Variants in THSD7A observed in about 807,000 individuals in gnomAD.
THSD7A encodes thrombospondin type 1 domain containing 7A, also known as thrombospondin type-1 domain-containing protein 7A.
A neutral mutation model predicts 231.3 loss-of-function variants in THSD7A; 96 were observed. That is an observed-to-expected ratio of 0.41 (90% CI 0.35 to 0.49). The LOEUF (loss-of-function observed/expected upper bound fraction) is 0.49. THSD7A is among the 20% of genes least tolerant of loss of function. The probability of loss-of-function intolerance (pLI) is 0.05; values close to 1 mark genes in which losing one functional copy is unlikely to be tolerated. For missense variants in THSD7A, 2,290 were observed against 2,070.2 expected (o/e 1.11, Z -2.06); for synonymous variants, 940 against 743.3 (o/e 1.26, Z -4.30).
chr7:11,619,627 G>T (rs1030539550), intron 2 of THSD7A, among the ~76,000 whole-genome samples: 1 of 151,694 alleles, frequency 6.6e-6, no homozygotes. Flanking sequence ...TCAGTATCTT[G>T]TCCAGGCTCG....
At chr7:11,682,369 T>C (rs1783901739) in intron 1 of THSD7A, among the ~76,000 whole-genome samples, 1 of 152,054 alleles carries the variant, frequency 6.6e-6, no homozygotes, top group Admixed American at 6.6e-5. Context: ...ATCTCAAATG[T>C]AATGATGCCC....
At position 11,412,263 on chromosome 7, in the gene THSD7A, C is replaced by T. The variant is rs114685891; in HGVS notation, c.3682+393G>A. On this transcript the variant is annotated intron_variant, in intron 18 of 27. Transcript: ENST00000423059. ...ACTAATCATGTTTATAAACTGCCCA[C>T]ACCTCATGAATTGTTGCCCCAGTAT... Among the ~76,000 whole-genome samples, 541 of 152,262 alleles carry T rather than the reference C, an allele frequency of 3.6e-3. 4 individuals are homozygous for T. Among genetic ancestry groups the T allele is most frequent in the African/African-American group, 0.013 (520 of 41,544 alleles).
rs570745108 is a variant in THSD7A at position 11,585,712 on chromosome 7, G to A, written c.1453+4748C>T. ...CCAGAGCCTATTCCGTCAGTTTAGG[G>A]AGCAAGGTGGGAACTGTGGCTGGAC... On this transcript the variant is annotated intron_variant, in intron 4 of 27. Transcript: ENST00000423059. Among the ~76,000 whole-genome samples the A allele has an allele frequency of 2.6e-5, 4 of 152,156 alleles. No homozygotes were observed. The East Asian group carries it at 7.8e-4, about 30-fold the overall frequency.
intron 6 of THSD7A, among the ~76,000 whole-genome samples, chr7:11,530,860 A>C (rs1330159246): frequency 1.3e-5 from 2 of 152,064 alleles, no homozygotes; most frequent in Non-Finnish European, 2.9e-5. Context: ...AAAATACAAA[A>C]ATTAGCCATG....
chr7:11,696,765 C>T (rs1016748499), intron 1 of THSD7A, among the ~76,000 whole-genome samples: 5 of 151,334 alleles, frequency 3.3e-5, no homozygotes, highest in African/African-American at 1.2e-4. Context: ...CCAGGGTGTT[C>T]CTGTATCTTA....
At chr7:11,724,357 A>G (rs111524424) in intron 1 of THSD7A, among the ~76,000 whole-genome samples, 3,732 of 151,988 alleles carry the variant, frequency 0.025, 142 homozygotes, top group African/African-American at 0.083. Flanking sequence ...TGTTGCATCA[A>G]TGTTAGACAT....
intron 23 of THSD7A, among the ~76,000 whole-genome samples, chr7:11,397,276 C>T (rs1436765855): frequency 6.6e-6 from 1 of 152,148 alleles, no homozygotes; most frequent in African/African-American, 2.4e-5. Flanking sequence ...CTACAACCAT[C>T]TGATCTTTGA....
chr7:11,671,112 G>A (rs1783373248), intron 1 of THSD7A, among the ~76,000 whole-genome samples: 1 of 152,168 alleles, frequency 6.6e-6, no homozygotes, highest in Non-Finnish European at 1.5e-5. Flanking sequence ...AAGGCTACAA[G>A]AGAACATTAA....
chr7:11,774,796 T>A (rs1223290965), intron 1 of THSD7A, among the ~76,000 whole-genome samples: 1 of 152,210 alleles, frequency 6.6e-6, no homozygotes, highest in African/African-American at 2.4e-5. Context: ...GGCTCACACC[T>A]GTAATCCCGG....
At chr7:11,513,105 C>G (rs974857328) in intron 6 of THSD7A, among the ~76,000 whole-genome samples, 2 of 151,310 alleles carry the variant, frequency 1.3e-5, no homozygotes, top group Non-Finnish European at 1.5e-5. Flanking sequence ...GGGAGCTGAG[C>G]TATGAGGATG....
intron 1 of THSD7A, among the ~76,000 whole-genome samples, chr7:11,657,514 G>T (rs774142486): frequency 6.6e-6 from 1 of 151,664 alleles, no homozygotes; most frequent in Non-Finnish European, 1.5e-5. Context: ...CTAACTATAG[G>T]TATATCCTGC....
At chr7:11,575,564 A>G (rs1790860679) in intron 4 of THSD7A, among the ~76,000 whole-genome samples, 1 of 152,162 alleles carries the variant, frequency 6.6e-6, no homozygotes, top group Non-Finnish European at 1.5e-5. Flanking sequence ...ACTGCACCTA[A>G]GCAGTAAGCA....
At chr7:11,769,153 A>ATATTTTTT in intron 1 of THSD7A, among the ~76,000 whole-genome samples, 1 of 27,650 alleles carries the variant, frequency 3.6e-5, no homozygotes, top group African/African-American at 1.2e-4. Context: ...ATATATATAT[A>ATATTTTTT]TTTTTTTTTT....
chr7:11,666,953 T>A (rs60458514), intron 1 of THSD7A, among the ~76,000 whole-genome samples: 16,106 of 152,120 alleles, frequency 0.11, 861 homozygotes, highest in African/African-American at 0.14. Flanking sequence ...TATACAGTTA[T>A]CCAGTGGAAT....
chr7:11,817,445 A>G (rs1784740691), intron 1 of THSD7A, among the ~76,000 whole-genome samples: 1 of 152,234 alleles, frequency 6.6e-6, no homozygotes, highest in African/African-American at 2.4e-5. Context: ...ACAACCTTAC[A>G]GTAAGGCTGA....
intron 1 of THSD7A, among the ~76,000 whole-genome samples, chr7:11,705,685 G>A (rs964580766): frequency 6.6e-6 from 1 of 150,952 alleles, no homozygotes; most frequent in Non-Finnish European, 1.5e-5. Context: ...CACCTAACTT[G>A]GTTTAGTGGG....
intron 4 of THSD7A, among the ~76,000 whole-genome samples, chr7:11,567,188 T>G (rs991070642): frequency 1.3e-5 from 2 of 152,068 alleles, no homozygotes; most frequent in African/African-American, 4.8e-5. Flanking sequence ...TTTAATTGAC[T>G]CACAGTTCAG....
At chr7:11,420,517 A>T (rs1341361607) in intron 16 of THSD7A, among the ~76,000 whole-genome samples, 1 of 152,166 alleles carries the variant, frequency 6.6e-6, no homozygotes, top group Non-Finnish European at 1.5e-5. Flanking sequence ...ATTTCAGAGG[A>T]TGTATGGAAA....
intron 1 of THSD7A, among the ~76,000 whole-genome samples, chr7:11,723,284 A>T (rs1781424540): frequency 7.5e-6 from 1 of 133,620 alleles, no homozygotes; most frequent in African/African-American, 2.8e-5. Context: ...ATGAGAACAC[A>T]TTGACACAGG....
Sources: gnomAD v4.1 joint callset for allele counts (sites outside exome capture counted in the v4.1 genomes callset) on GRCh38, gnomAD v4.1.1 for gene constraint, MANE v1.5 for transcripts, NCBI Gene and HGNC (gene_info 2026-07-23, HGNC 2026-07-21) for gene names.